Variants in SYTL5 observed in about 807,000 individuals in gnomAD.
SYTL5 encodes synaptotagmin like 5, also known as synaptotagmin-like protein 5.
SYTL5 carries 34 observed loss-of-function variants against 55.9 expected under a neutral mutation model. The observed-to-expected ratio is 0.61, with a 90% CI of 0.46 to 0.81. The LOEUF is 0.81. Among genes scored for constraint, SYTL5 ranks in the 30% least tolerant of loss-of-function variants. The pLI, the probability that SYTL5 is intolerant of heterozygous loss-of-function variation, is 0.00. For missense variants in SYTL5, 637 were observed against 546.7 expected (o/e 1.17, Z -1.65); for synonymous variants, 221 against 188.7 (o/e 1.17, Z -1.40).
At chrX:38,092,941 TG>T (rs1448854731) in intron 7 of SYTL5, among the ~76,000 whole-genome samples, 1 of 112,020 alleles carries the variant, frequency 8.9e-6, no homozygotes, top group East Asian at 2.8e-4. Context: ...TCAATACTAA[TG>T]ATACTCACAG....
chrX:37,940,567 T>C, the SYTL5 span, among the ~76,000 whole-genome samples: 1 of 103,208 alleles, frequency 9.7e-6, no homozygotes, highest in African/African-American at 3.5e-5. Context: ...ATGTTTAGTA[T>C]ACAGACAAGT....
At chrX:37,951,608 G>A in the SYTL5 span, among the ~76,000 whole-genome samples, 11 of 110,988 alleles carry the variant, frequency 9.9e-5, no homozygotes, top group African/African-American at 3.6e-4. Context: ...GCAAGGAGGA[G>A]AAAACCATAA....
intron 3 of SYTL5, among the ~76,000 whole-genome samples, chrX:38,058,779 T>C (rs1935859482): frequency 9.0e-6 from 1 of 111,360 alleles, no homozygotes; most frequent in Non-Finnish European, 1.9e-5. Context: ...TCTGATTTTC[T>C]TTGTATTTAT....
At chrX:38,058,629 T>C (rs1325888255) in intron 3 of SYTL5, among the ~76,000 whole-genome samples, 1 of 111,354 alleles carries the variant, frequency 9.0e-6, no homozygotes. Flanking sequence ...GAAGATCCTA[T>C]TGGCTTCTGA....
the SYTL5 span, among the ~76,000 whole-genome samples, chrX:37,952,222 C>A: frequency 9.0e-6 from 1 of 111,354 alleles, no homozygotes; most frequent in South Asian, 3.8e-4. Flanking sequence ...CTTAAAACAA[C>A]AATAATTTAT....
chrX:38,070,446 A>G (rs1428195262), intron 3 of SYTL5, among the ~76,000 whole-genome samples: 1 of 110,479 alleles, frequency 9.1e-6, no homozygotes, highest in Non-Finnish European at 1.9e-5. Flanking sequence ...CCTCACCTCC[A>G]TGATACCCTG....
intron 3 of SYTL5, among the ~76,000 whole-genome samples, chrX:38,056,626 T>TA (rs919639777): frequency 4.5e-5 from 5 of 112,031 alleles, no homozygotes; most frequent in African/African-American, 1.6e-4. Flanking sequence ...CAGCATTTGT[T>TA]ATTGCCTGTC....
the SYTL5 span, among the ~76,000 whole-genome samples, chrX:37,892,091 G>T: frequency 9.0e-6 from 1 of 111,489 alleles, no homozygotes; most frequent in African/African-American, 3.3e-5. Flanking sequence ...AGATTACTGG[G>T]TAATGGGATA....
Position 38,127,779 on chromosome X carries a change from A to G in SYTL5, c.*1049A>G, listed in dbSNP as rs756612004. 1 of 112,395 alleles carries G rather than the reference A, an allele frequency of 8.9e-6. No individual in the cohort carries two copies. The highest frequency in any genetic ancestry group is 3.2e-5 in the African/African-American group (1 of 30,970). 9.3% of individuals were successfully genotyped at this position (112,395 alleles called of 1,213,427 possible). On this transcript the variant is annotated 3_prime_UTR_variant, in exon 17 of 17. Transcript: ENST00000297875. Reference sequence around the variant, plus strand: ...TTTCTCACAGTTATGAAGATTGGCTATGGCACCTCTGCTTCCTGCTATAGG... The same window carrying G: ...TTTCTCACAGTTATGAAGATTGGCTGTGGCACCTCTGCTTCCTGCTATAGG...
At chrX:37,991,242 C>CAAAAAAAAAAA in the SYTL5 span, 2 of 1,160,933 alleles carry the variant, frequency 1.7e-6, no homozygotes, top group Admixed American at 5.3e-5. Flanking sequence ...TTAGCCAGGG[C>CAAAAAAAAAAA]AAAAATGTGT....
chrX:38,047,100 C>G (rs1199643978), intron 2 of SYTL5, among the ~76,000 whole-genome samples: 2 of 112,069 alleles, frequency 1.8e-5, no homozygotes, highest in Admixed American at 1.9e-4. Context: ...TTCCTAGGCA[C>G]ACAGTGTAAG....
chrX:38,076,761 T>C, intron 6 of SYTL5, 60 bp downstream of exon 6: 1 of 1,101,085 alleles, frequency 9.1e-7, no homozygotes, highest in South Asian at 2.0e-5. Flanking sequence ...TATATTCCCA[T>C]TCATAGGGGG....
At position 38,110,987 on chromosome X, in the gene SYTL5, A is replaced by G. The variant is rs142244274; in HGVS notation, c.1596+505A>G. The stretch of plus-strand genomic sequence containing the variant: ...ATTCATGACCCAGGCCTTGAGTTAC[A>G]TTCAGAAAAAAAATCTTAGAGCTGA... On this transcript the variant is annotated intron_variant, in intron 13 of 16. Transcript: ENST00000297875. Among the ~76,000 whole-genome samples, 935 of 111,981 alleles carry G rather than the reference A, an allele frequency of 8.3e-3. 5 individuals carry two copies. The highest frequency in any genetic ancestry group is 0.041 in the Middle Eastern group (9 of 217).
the SYTL5 span, among the ~76,000 whole-genome samples, chrX:37,892,241 G>C: frequency 1.8e-5 from 2 of 109,926 alleles, no homozygotes; most frequent in African/African-American, 6.6e-5. Flanking sequence ...TAACAGTAAA[G>C]GGGCATAATT....
intron 6 of SYTL5, among the ~76,000 whole-genome samples, chrX:38,085,943 A>G (rs1046347303): frequency 7.2e-5 from 8 of 111,431 alleles, no homozygotes; most frequent in African/African-American, 2.6e-4. Flanking sequence ...ATTAACCTCA[A>G]TAGGGAAACT....
chrX:38,043,577 C>A (rs12839671), intron 2 of SYTL5, among the ~76,000 whole-genome samples: 23,500 of 99,935 alleles, frequency 0.24, 2,677 homozygotes, highest in Non-Finnish European at 0.32. Flanking sequence ...ACATTAAAGT[C>A]TCACATAGAA....
Position 38,128,001 on chromosome X carries a change from C to T in SYTL5, c.*1271C>T, listed in dbSNP as rs1346082712. On this transcript the variant is annotated 3_prime_UTR_variant, in exon 17 of 17. Coordinates refer to ENST00000297875, the MANE Select transcript of SYTL5 (RefSeq NM_138780.3). ...AGATGAAGAGGCAGGGAAATATGCACTGCCCACAGTGAAGCCATGACAAGA... is the reference window on the plus strand; with the variant it reads ...AGATGAAGAGGCAGGGAAATATGCATTGCCCACAGTGAAGCCATGACAAGA... 1 of 112,226 alleles carries T rather than the reference C, an allele frequency of 8.9e-6. No individual in the cohort carries two copies. The highest frequency in any genetic ancestry group is 3.2e-5 in the African/African-American group (1 of 30,848). 9.2% of individuals were successfully genotyped at this position (112,226 alleles called of 1,213,427 possible).
intron 1 of SYTL5, among the ~76,000 whole-genome samples, chrX:38,017,345 T>A (rs1934389268): frequency 8.9e-6 from 1 of 112,050 alleles, no homozygotes; most frequent in Non-Finnish European, 1.9e-5. Flanking sequence ...AATGTATTGA[T>A]ATGGTGCATT....
At chrX:38,068,826 C>T (rs1227452321) in intron 3 of SYTL5, among the ~76,000 whole-genome samples, 3 of 110,777 alleles carry the variant, frequency 2.7e-5, no homozygotes, top group Non-Finnish European at 5.7e-5. Flanking sequence ...TGTTCAGTAC[C>T]TAGGCAACGG....
Sources: allele counts gnomAD v4.1 joint callset (sites outside exome capture counted in the v4.1 genomes callset), GRCh38; gene constraint gnomAD v4.1.1; transcripts MANE v1.5; gene names NCBI Gene and HGNC (gene_info 2026-07-23, HGNC 2026-07-21).